Variants in DLG2 observed in about 807,000 individuals in gnomAD.
DLG2 encodes discs large MAGUK scaffold protein 2, also known as disks large homolog 2.
DLG2 carries 45 observed loss-of-function variants against 132.5 expected under a neutral mutation model. The observed-to-expected ratio is 0.34, with a 90% CI of 0.27 to 0.44. DLG2 has a LOEUF of 0.44. Ranked by LOEUF, DLG2 falls within the 20% of genes least tolerant of loss-of-function variation. The probability of loss-of-function intolerance (pLI) is 1.00; values close to 1 mark genes in which losing one functional copy is unlikely to be tolerated. For synonymous variants in DLG2, 424 were observed against 419.6 expected (o/e 1.01, Z -0.13); for missense variants, 1,045 against 1,196.9 (o/e 0.87, Z 1.87).
intron 7 of DLG2, among the ~76,000 whole-genome samples, chr11:84,441,526 G>T (rs2099017303): frequency 6.6e-6 from 1 of 152,108 alleles, no homozygotes; most frequent in South Asian, 2.1e-4. Context: ...CCAAGATCTT[G>T]ATATTAGTTA....
At chr11:84,678,020 A>C (rs183968486) in intron 6 of DLG2, among the ~76,000 whole-genome samples, 2 of 152,136 alleles carry the variant, frequency 1.3e-5, no homozygotes. Context: ...AATGCCATTA[A>C]GTATCAAGGC....
chr11:83,954,754 T>G (rs945361125), intron 14 of DLG2, among the ~76,000 whole-genome samples: 20 of 152,208 alleles, frequency 1.3e-4, no homozygotes, highest in African/African-American at 4.6e-4. Context: ...AAAAATCATA[T>G]TTTAGCCAGA....
At chr11:84,759,630 T>C (rs1315902370) in intron 6 of DLG2, among the ~76,000 whole-genome samples, 1 of 152,206 alleles carries the variant, frequency 6.6e-6, no homozygotes, top group Non-Finnish European at 1.5e-5. Flanking sequence ...CACCCTATTT[T>C]TATGAAATAA....
intron 6 of DLG2, among the ~76,000 whole-genome samples, chr11:85,026,701 G>T (rs2060550691): frequency 6.6e-6 from 1 of 152,006 alleles, no homozygotes; most frequent in Non-Finnish European, 1.5e-5. Flanking sequence ...GCCGGGCGTG[G>T]TGGCGGGCGC....
At chr11:83,474,738 A>G (rs1304981901) in intron 22 of DLG2, among the ~76,000 whole-genome samples, 1 of 152,138 alleles carries the variant, frequency 6.6e-6, no homozygotes, top group East Asian at 1.9e-4. Context: ...GGCCAACGGT[A>G]GGTTCTATTT....
chr11:84,504,014 T>C (rs2099230761), intron 7 of DLG2, among the ~76,000 whole-genome samples: 1 of 152,196 alleles, frequency 6.6e-6, no homozygotes, highest in African/African-American at 2.4e-5. Context: ...CGGATGTAGA[T>C]ATTTTTCCCA....
Position 84,500,164 on chromosome 11 carries a change from G to A in DLG2, c.519+34406C>T, listed in dbSNP as rs188611487. Among the ~76,000 whole-genome samples the A allele has an allele frequency of 9.9e-5, 15 of 152,202 alleles. No homozygotes were observed. In the East Asian group the frequency reaches 2.9e-3, roughly 30 times the overall value. On this transcript the variant is annotated intron_variant, in intron 7 of 27. Coordinates refer to ENST00000376104, the MANE Select transcript of DLG2 (RefSeq NM_001142699.3). The stretch of plus-strand genomic sequence containing the variant: ...AATAAACATGGTCGTATGATAGAGC[G>A]AGTTGGAAAGGTACCATTAGACAGG...
intron 18 of DLG2, among the ~76,000 whole-genome samples, chr11:83,710,052 GATC>G (rs2085031309): frequency 1.3e-5 from 2 of 152,120 alleles, no homozygotes; most frequent in African/African-American, 4.8e-5. Flanking sequence ...GGGTGCCTGG[GATC>G]ATATGAAAAC....
chr11:84,120,869 G>A (rs1430459582), intron 9 of DLG2, among the ~76,000 whole-genome samples: 5 of 152,078 alleles, frequency 3.3e-5, no homozygotes, highest in Non-Finnish European at 5.9e-5. Context: ...GTATTCTTTC[G>A]AATAACTATA....
intron 8 of DLG2, among the ~76,000 whole-genome samples, chr11:84,231,025 T>TA (rs1469548930): frequency 1.3e-5 from 2 of 152,318 alleles, no homozygotes; most frequent in East Asian, 3.9e-4. Context: ...GTTACCCTGC[T>TA]AAAAAATTAA....
chr11:84,662,663 T>A lies in DLG2; in HGVS notation c.358-127932A>T, dbSNP rs185133886. Among the ~76,000 whole-genome samples the A allele has an allele frequency of 1.4e-3, 211 of 151,848 alleles. 1 individual carries two copies. The highest frequency in any genetic ancestry group is 4.6e-3 in the African/African-American group (190 of 41,474). The stretch of plus-strand genomic sequence containing the variant: ...TCAGTCAGGCATGGTGGCATGCACC[T>A]GTAATCCCAGCTACTAGGGAGGCTG... On this transcript the variant is annotated intron_variant, in intron 6 of 27. Transcript: ENST00000376104.
chr11:83,729,548 T>G (rs11233734), intron 18 of DLG2, among the ~76,000 whole-genome samples: 54,567 of 152,010 alleles, frequency 0.36, 11,544 homozygotes, highest in African/African-American at 0.59. Context: ...TGGAGGACCT[T>G]CCAAAATGGA....
intron 3 of DLG2, among the ~76,000 whole-genome samples, chr11:85,543,912 G>A (rs2076133154): frequency 6.6e-6 from 1 of 151,548 alleles, no homozygotes; most frequent in Admixed American, 6.6e-5. Flanking sequence ...TGGATAGATT[G>A]CAAAAATTTT....
intron 15 of DLG2, among the ~76,000 whole-genome samples, chr11:83,904,212 AT>A (rs566214331): frequency 7.9e-5 from 12 of 152,254 alleles, no homozygotes; most frequent in Admixed American, 1.3e-4. Context: ...ATAGTGAGAG[AT>A]TTTATCATGC....
At chr11:85,256,772 T>G (rs2076690945) in intron 4 of DLG2, among the ~76,000 whole-genome samples, 2 of 152,316 alleles carry the variant, frequency 1.3e-5, no homozygotes, top group Non-Finnish European at 2.9e-5. Context: ...ATGCTTTATA[T>G]ACTTTGGCCA....
chr11:83,899,789 T>C (rs144545591), intron 15 of DLG2, among the ~76,000 whole-genome samples: 3 of 152,198 alleles, frequency 2.0e-5, no homozygotes, highest in Non-Finnish European at 4.4e-5. Flanking sequence ...ATACAGCAAA[T>C]TGGTAAGATT....
chr11:84,600,486 C>T (rs565401148), intron 6 of DLG2, among the ~76,000 whole-genome samples: 7 of 152,212 alleles, frequency 4.6e-5, no homozygotes, highest in South Asian at 2.1e-4. Flanking sequence ...CAGAAATATT[C>T]GACAGATTAT....
At chr11:84,678,945 T>C (rs904160355) in intron 6 of DLG2, among the ~76,000 whole-genome samples, 1 of 152,200 alleles carries the variant, frequency 6.6e-6, no homozygotes, top group African/African-American at 2.4e-5. Context: ...TATGGCTATG[T>C]AAATTATGAT....
At chr11:84,195,201 G>A (rs1254086017) in intron 8 of DLG2, among the ~76,000 whole-genome samples, 2 of 152,150 alleles carry the variant, frequency 1.3e-5, no homozygotes, top group Non-Finnish European at 2.9e-5. Flanking sequence ...GTCCCACTCT[G>A]TTGCCGGGCT....
Sources: gnomAD v4.1 joint callset for allele counts (sites outside exome capture counted in the v4.1 genomes callset) on GRCh38, gnomAD v4.1.1 for gene constraint, MANE v1.5 for transcripts, NCBI Gene and HGNC (gene_info 2026-07-23, HGNC 2026-07-21) for gene names.